Variants in KLHL42 observed in about 807,000 individuals in gnomAD.
KLHL42 encodes the protein kelch-like protein 42.
In KLHL42, 27 loss-of-function variants were observed where a neutral mutation model predicts 32.7. The observed-to-expected ratio is 0.83, with a 90% CI of 0.61 to 1.14. The LOEUF (loss-of-function observed/expected upper bound fraction) is 1.14, where lower values mean the gene tolerates loss of function less well. Ranked by LOEUF, KLHL42 falls within the 50% of genes most tolerant of loss-of-function variation. The probability of loss-of-function intolerance (pLI) is 0.00; values close to 1 mark genes in which losing one functional copy is unlikely to be tolerated. For missense variants in KLHL42, 491 were observed against 560.8 expected (o/e 0.88, Z 1.26); for synonymous variants, 267 against 248.2 (o/e 1.08, Z -0.71).
At chr12:27,784,580 T>C (rs567508122) in intron 1 of KLHL42, among the ~76,000 whole-genome samples, 1 of 152,242 alleles carries the variant, frequency 6.6e-6, no homozygotes, top group African/African-American at 2.4e-5. Context: ...GGCCCGTGAA[T>C]AGCCATTGCA....
At position 27,801,386 on chromosome 12, in the gene KLHL42, C is replaced by T. The variant is rs915327150; in HGVS notation, c.*3220C>T. The T allele has an allele frequency of 6.6e-6, 1 of 152,088 alleles. No homozygotes were observed. Among genetic ancestry groups the T allele is most frequent in the African/African-American group, 2.4e-5 (1 of 41,390 alleles). 9.4% of individuals were successfully genotyped at this position (152,088 alleles called of 1,614,324 possible). ...TGTGGATGATGTGTTTTCAGATTTC[C>T]AGGTGAAGTTCTGACCCTACCTGTT... On this transcript the variant is annotated 3_prime_UTR_variant, in exon 3 of 3. Transcript: ENST00000381271.
chr12:27,781,797 C>G (rs1163474187), intron 1 of KLHL42, among the ~76,000 whole-genome samples: 7 of 152,308 alleles, frequency 4.6e-5, no homozygotes, highest in Admixed American at 6.5e-5. Flanking sequence ...CAGCTTGAGC[C>G]TGGAAGTGTT....
chr12:27,798,881 A>T lies in KLHL42; in HGVS notation c.*715A>T, dbSNP rs1360421744. 6.6e-6 allele frequency: 1 copy of T among 152,496 alleles called. No individual in the cohort carries two copies. The highest frequency in any genetic ancestry group is 1.5e-5 in the Non-Finnish European group (1 of 68,024). The allele number at this position is 152,496 out of a possible 1,614,324, so 9.4% of individuals were successfully genotyped here. ...TATTTATGTGGCAGGTTGCATATTT[A>T]TGTGGACACATAGGTTGCACTGCTA... On this transcript the variant is annotated 3_prime_UTR_variant, in exon 3 of 3. Transcript: ENST00000381271.
At chr12:27,781,611 T>G (rs900837203) in intron 1 of KLHL42, among the ~76,000 whole-genome samples, 3 of 152,212 alleles carry the variant, frequency 2.0e-5, no homozygotes, top group Admixed American at 1.3e-4. Context: ...ACACTGACTT[T>G]GGGGGATTTT....
At chr12:27,789,680 G>C (rs895965812) in intron 1 of KLHL42, among the ~76,000 whole-genome samples, 3 of 152,208 alleles carry the variant, frequency 2.0e-5, no homozygotes, top group Admixed American at 2.0e-4. Context: ...TATTTCCTTT[G>C]GTTCCCCAAA....
intron 2 of KLHL42, among the ~76,000 whole-genome samples, chr12:27,794,609 G>A (rs1400145073): frequency 6.6e-6 from 1 of 152,030 alleles, no homozygotes; most frequent in Non-Finnish European, 1.5e-5. Context: ...TCCCACCTCT[G>A]CCTCCCAAAG....
At chr12:27,794,379 G>A (rs2062210144) in intron 2 of KLHL42, among the ~76,000 whole-genome samples, 1 of 152,178 alleles carries the variant, frequency 6.6e-6, no homozygotes, top group Non-Finnish European at 1.5e-5. Flanking sequence ...TGTATCTGTG[G>A]CTTCTCCCTT....
At chr12:27,796,590 C>T (rs1051262950) in intron 2 of KLHL42, among the ~76,000 whole-genome samples, 5 of 151,228 alleles carry the variant, frequency 3.3e-5, no homozygotes, top group Non-Finnish European at 5.9e-5. Flanking sequence ...ATTTCACAAG[C>T]GTTTTTCAAA....
chr12:27,792,046 A>G (rs1225406294), intron 2 of KLHL42, 145 bp downstream of exon 2: 3 of 636,786 alleles, frequency 4.7e-6, no homozygotes, highest in Non-Finnish European at 8.2e-6. Context: ...TGGAAGGAAG[A>G]GAGTTCCATA....
At chr12:27,796,696 GA>G (rs2062220149) in intron 2 of KLHL42, among the ~76,000 whole-genome samples, 1 of 151,978 alleles carries the variant, frequency 6.6e-6, no homozygotes, top group African/African-American at 2.4e-5. Context: ...GCAGTGACAT[GA>G]TCACAGCTCA....
chr12:27,790,532 T>C (rs1465991262), intron 1 of KLHL42, among the ~76,000 whole-genome samples: 1 of 152,248 alleles, frequency 6.6e-6, no homozygotes, highest in African/African-American at 2.4e-5. Flanking sequence ...TTGTGTGCTA[T>C]ATCGAAACAA....
chr12:27,796,479 T>G (rs1169330862), intron 2 of KLHL42, among the ~76,000 whole-genome samples: 1 of 152,220 alleles, frequency 6.6e-6, no homozygotes, highest in Non-Finnish European at 1.5e-5. Flanking sequence ...CTCAGAGCAT[T>G]TGTTTTTTCT....
At position 27,780,528 on chromosome 12, in the gene KLHL42, G is replaced by A. The variant is rs2062141783; in HGVS notation, c.198G>A (p.Leu66=). 1 of 1,539,272 alleles carries A rather than the reference G, an allele frequency of 6.5e-7. No individual in the cohort carries two copies. The highest frequency in any genetic ancestry group is 8.7e-7 in the Non-Finnish European group (1 of 1,146,482). Residue 66 remains leucine (L), a synonymous_variant, in exon 1 of 3, where the codon CTG becomes CTA. Coordinates refer to ENST00000381271, the MANE Select transcript of KLHL42 (RefSeq NM_020782.2). The surrounding 1 kb of genome is among the most constrained non-coding windows in gnomAD (Gnocchi z 8.8). ...GCGCGCCGGGCCTGCGGCTGGTGCT[G>A]GACTTCATCAACGCCGGCGGGGCCC... ...GLSAPGLRLV[L]DFINAGGARE... is the part of the protein sequence containing the mutation.
At chr12:27,797,123 T>TA in intron 2 of KLHL42, 2 of 406,110 alleles carry the variant, frequency 4.9e-6, no homozygotes, top group South Asian at 1.8e-5. Flanking sequence ...GATCCTGTCT[T>TA]TAAAAAAAAA....
At chr12:27,791,270 G>C (rs144029606) in intron 1 of KLHL42, among the ~76,000 whole-genome samples, 431 of 152,268 alleles carry the variant, frequency 2.8e-3, no homozygotes, top group African/African-American at 9.8e-3. Flanking sequence ...GACAGCACCA[G>C]TGTGTCCCTA....
intron 1 of KLHL42, among the ~76,000 whole-genome samples, chr12:27,784,692 A>G (rs911560531): frequency 1.3e-5 from 2 of 152,204 alleles, no homozygotes; most frequent in African/African-American, 2.4e-5. Context: ...CATCAAAAAA[A>G]TTGTTCTGAT....
At chr12:27,786,609 A>G (rs955906006) in intron 1 of KLHL42, among the ~76,000 whole-genome samples, 1 of 152,028 alleles carries the variant, frequency 6.6e-6, no homozygotes, top group Non-Finnish European at 1.5e-5. Flanking sequence ...GGGATGTATC[A>G]GTATTTTACT....
At chr12:27,792,151 A>C (rs1032706541) in intron 2 of KLHL42, 1 of 279,476 alleles carries the variant, frequency 3.6e-6, no homozygotes, top group Non-Finnish European at 6.7e-6. Flanking sequence ...AAAAAATGTT[A>C]TCTCTTTTTT....
At position 27,801,664 on chromosome 12, in the gene KLHL42, A is replaced by G. The variant is rs1238003139; in HGVS notation, c.*3498A>G. 6.6e-6 allele frequency: 1 copy of G among 152,226 alleles called. No homozygotes were observed. Among genetic ancestry groups the G allele is most frequent in the Non-Finnish European group, 1.5e-5 (1 of 68,038 alleles). The allele number at this position is 152,226 out of a possible 1,614,324, so 9.4% of individuals were successfully genotyped here. A position where few individuals can be genotyped will look rare whatever the true frequency, so the allele number is the denominator to read the frequency against. ...GTGCCAGGATTTGGTCTTAGAATCC[A>G]TGTCAGATTGGTGCTTCCAGACATC... On this transcript the variant is annotated 3_prime_UTR_variant, in exon 3 of 3. Coordinates refer to ENST00000381271, the MANE Select transcript of KLHL42 (RefSeq NM_020782.2).
Sources: allele counts gnomAD v4.1 joint callset (sites outside exome capture counted in the v4.1 genomes callset), GRCh38; gene constraint gnomAD v4.1.1; non-coding constraint Gnocchi (gnomAD v3.1); transcripts MANE v1.5; gene names NCBI Gene and HGNC (gene_info 2026-07-23, HGNC 2026-07-21).